Variants in ROBO2 observed in about 807,000 individuals in gnomAD.
ROBO2 encodes roundabout guidance receptor 2.
ROBO2 carries 53 observed loss-of-function variants against 160.8 expected under a neutral mutation model. The ratio of observed to expected loss-of-function variants is 0.33; its 90% confidence interval spans 0.26 to 0.41. The LOEUF (loss-of-function observed/expected upper bound fraction) is 0.41. Ranked by LOEUF, ROBO2 falls within the 10% of genes least tolerant of loss-of-function variation. The pLI is 1.00. For synonymous variants in ROBO2, 664 were observed against 611.7 expected (o/e 1.09, Z -1.26); for missense variants, 1,577 against 1,722.4 (o/e 0.92, Z 1.49).
At chr3:77,298,482 A>G (rs915251196) in intron 2 of ROBO2, among the ~76,000 whole-genome samples, 3 of 152,166 alleles carry the variant, frequency 2.0e-5, no homozygotes, top group Non-Finnish European at 2.9e-5. Flanking sequence ...TCTCTCACTC[A>G]TGAGTCTTTT....
intron 2 of ROBO2, among the ~76,000 whole-genome samples, chr3:77,177,555 T>C (rs1316456247): frequency 1.3e-5 from 2 of 151,790 alleles, no homozygotes; most frequent in Non-Finnish European, 2.9e-5. Context: ...AACTGGTTGT[T>C]ATACTATATT....
intron 2 of ROBO2, among the ~76,000 whole-genome samples, chr3:75,987,967 A>G (rs1246825192): frequency 6.7e-6 from 1 of 148,746 alleles, no homozygotes; most frequent in Non-Finnish European, 1.5e-5. Flanking sequence ...TTCATAACAG[A>G]TATTGGTCTG....
intron 2 of ROBO2, among the ~76,000 whole-genome samples, chr3:77,350,349 C>T (rs1051113451): frequency 1.3e-5 from 2 of 151,996 alleles, no homozygotes; most frequent in African/African-American, 4.8e-5. Flanking sequence ...ATGTGGGACC[C>T]TGTCTTGAAG....
chr3:76,156,710 G>C (rs1388746695), intron 2 of ROBO2, among the ~76,000 whole-genome samples: 1 of 152,238 alleles, frequency 6.6e-6, no homozygotes, highest in Non-Finnish European at 1.5e-5. Context: ...GCTCGCGCCT[G>C]TAATCCCAGC....
intron 2 of ROBO2, among the ~76,000 whole-genome samples, chr3:76,929,018 G>T (rs1389696602): frequency 6.6e-6 from 1 of 152,134 alleles, no homozygotes; most frequent in Non-Finnish European, 1.5e-5. Context: ...CCAAAACTAG[G>T]GGAGGCCAAG....
intron 2 of ROBO2, among the ~76,000 whole-genome samples, chr3:77,119,022 G>A (rs751582907): frequency 8.5e-5 from 13 of 152,058 alleles, no homozygotes; most frequent in Non-Finnish European, 1.3e-4. Flanking sequence ...ATGGGTGAGG[G>A]TTCCTGTGTG....
At chr3:76,320,677 G>A (rs1272806341) in intron 2 of ROBO2, among the ~76,000 whole-genome samples, 1 of 152,158 alleles carries the variant, frequency 6.6e-6, no homozygotes, top group Non-Finnish European at 1.5e-5. Flanking sequence ...CCTAAGAATT[G>A]CTCCTGGCTA....
intron 2 of ROBO2, among the ~76,000 whole-genome samples, chr3:76,504,314 A>G (rs1426462341): frequency 6.6e-6 from 1 of 152,156 alleles, no homozygotes; most frequent in Non-Finnish European, 1.5e-5. Context: ...GATAAAAGCC[A>G]TACGTTTGTT....
At chr3:77,458,759 C>T (rs2153569177) in intron 2 of ROBO2, among the ~76,000 whole-genome samples, 1 of 152,074 alleles carries the variant, frequency 6.6e-6, no homozygotes, top group East Asian at 1.9e-4. Flanking sequence ...TAATGAAGAC[C>T]TTAGTTACAA....
chr3:76,900,870 G>C (rs2075169773), intron 2 of ROBO2, among the ~76,000 whole-genome samples: 1 of 152,116 alleles, frequency 6.6e-6, no homozygotes, highest in South Asian at 2.1e-4. Context: ...TTTCCATCTG[G>C]TGTTTTACAG....
rs931552515 is a variant in ROBO2, at chr3:77,483,270, A to G, written c.667+2051A>G. Among the ~76,000 whole-genome samples the G allele has an allele frequency of 3.5e-5, 5 of 144,416 alleles. No individual in the cohort carries two copies. The East Asian group carries it at 1.1e-3, about 32-fold the overall frequency. 94.7% of individuals were successfully genotyped at this position (144,416 alleles called of 152,430 possible). Reference sequence around the variant, plus strand: ...CAACATCCAAATCCAAAAGAAAAACAAAAAAAACAAAGTGATGGTCCAAAT... The same window carrying G: ...CAACATCCAAATCCAAAAGAAAAACGAAAAAAACAAAGTGATGGTCCAAAT... On this transcript the variant is annotated intron_variant, in intron 4 of 25. Coordinates refer to ENST00000461745, the Ensembl canonical transcript of ROBO2.
intron 24 of ROBO2, among the ~76,000 whole-genome samples, chr3:77,635,317 T>C (rs2095245688): frequency 6.6e-6 from 1 of 152,242 alleles, no homozygotes; most frequent in Non-Finnish European, 1.5e-5. Context: ...ATAAATGCTT[T>C]TTAGTGAGCA....
intron 2 of ROBO2, among the ~76,000 whole-genome samples, chr3:76,486,410 A>G (rs2107442400): frequency 6.6e-6 from 1 of 152,254 alleles, no homozygotes; most frequent in South Asian, 2.1e-4. Context: ...CGTATGTACA[A>G]CTGACGCACA....
intron 2 of ROBO2, among the ~76,000 whole-genome samples, chr3:76,639,367 T>C (rs746012088): frequency 5.9e-5 from 9 of 151,942 alleles, no homozygotes; most frequent in Non-Finnish European, 1.0e-4. Flanking sequence ...CATATATACC[T>C]GCATATGTTT....
chr3:77,063,731 C>G (rs1370217196), intron 1 of ROBO2, among the ~76,000 whole-genome samples: 1 of 152,174 alleles, frequency 6.6e-6, no homozygotes, highest in Non-Finnish European at 1.5e-5. Context: ...TCGTTGAATT[C>G]AATCGAGATG....
At chr3:76,557,490 A>C (rs2083866734) in intron 2 of ROBO2, among the ~76,000 whole-genome samples, 1 of 151,862 alleles carries the variant, frequency 6.6e-6, no homozygotes, top group Non-Finnish European at 1.5e-5. Flanking sequence ...AGATCAAATG[A>C]ATTATCTTTC....
chr3:76,537,432 G>T (rs750468360), intron 2 of ROBO2, among the ~76,000 whole-genome samples: 27 of 152,084 alleles, frequency 1.8e-4, no homozygotes, highest in Non-Finnish European at 3.8e-4. Context: ...GTTAGTTGAA[G>T]AGGTTTAAAC....
chr3:75,985,788 G>T (rs894632207), intron 2 of ROBO2, among the ~76,000 whole-genome samples: 1 of 151,538 alleles, frequency 6.6e-6, no homozygotes, highest in Non-Finnish European at 1.5e-5. Flanking sequence ...TCATATAAAT[G>T]AAATCATACA....
chr3:76,631,551 G>A (rs767086554), intron 2 of ROBO2, among the ~76,000 whole-genome samples: 1 of 152,164 alleles, frequency 6.6e-6, no homozygotes, highest in Non-Finnish European at 1.5e-5. Context: ...AAAAAGAAAA[G>A]CAGAAAATAT....
Sources: allele counts gnomAD v4.1 joint callset (sites outside exome capture counted in the v4.1 genomes callset), GRCh38; gene constraint gnomAD v4.1.1; transcripts MANE v1.5; gene names NCBI Gene and HGNC (gene_info 2026-07-23, HGNC 2026-07-21).